TENM4: variants seen among roughly 807,000 people sequenced by gnomAD.
The protein encoded by TENM4 is teneurin transmembrane protein 4, also known as teneurin-4.
In TENM4, 82 loss-of-function variants were observed where a neutral mutation model predicts 243.3. That is an observed-to-expected ratio of 0.34 (90% confidence interval 0.28 to 0.40). The LOEUF (loss-of-function observed/expected upper bound fraction) is 0.40, where lower values mean the gene tolerates loss of function less well. Ranked by LOEUF, TENM4 falls within the 10% of genes least tolerant of loss-of-function variation. The pLI is 1.00. For missense variants in TENM4, 3,138 were observed against 3,673.3 expected (o/e 0.85, Z 3.77); for synonymous variants, 1,412 against 1,456.3 (o/e 0.97, Z 0.69).
chr11:79,310,497 C>A (rs1856701104), intron 1 of TENM4, among the ~76,000 whole-genome samples: 1 of 152,212 alleles, frequency 6.6e-6, no homozygotes. Flanking sequence ...AATTCCCTAG[C>A]TTCTGAAGAA....
chr11:79,142,410 A>C (rs1295813397), intron 4 of TENM4, among the ~76,000 whole-genome samples: 1 of 152,070 alleles, frequency 6.6e-6, no homozygotes, highest in Non-Finnish European at 1.5e-5. Context: ...TTAAATACCT[A>C]GGAATAAAAT....
Position 78,854,139 on chromosome 11 carries a change from T to C in TENM4, c.1646A>G (p.Glu549Gly). The change falls in exon 12 of 34, where the codon GAG becomes GGG. Residue 549 changes from glutamate (E) to glycine (G), a missense_variant. Glu to Gly is a moderately conservative substitution (Grantham distance 98). Around this residue, in one of 2 missense-constraint regions of TENM4, gnomAD observed 2,467 missense variants for 3,059.1 expected, o/e 0.81. Transcript: ENST00000278550. Reference sequence around the variant, plus strand: ...GGTGAGAAAGGAAACCACTTCTGACTCCTTTCCGTCATTGTAAAAAGCCAA... The same window carrying C: ...GGTGAGAAAGGAAACCACTTCTGACCCCTTTCCGTCATTGTAAAAAGCCAA... Reference protein sequence around the residue: ...WHLAFYNDGKESEVVSFLTTA... With the variant: ...WHLAFYNDGKGSEVVSFLTTA... 1.3e-6 allele frequency: 2 copies of C among 1,551,688 alleles called. No individual in the cohort carries two copies. Among genetic ancestry groups the C allele is most frequent in the Non-Finnish European group, 1.7e-6 (2 of 1,146,966 alleles).
intron 10 of TENM4, among the ~76,000 whole-genome samples, chr11:78,862,743 C>A (rs1177592337): frequency 2.0e-5 from 3 of 152,190 alleles, no homozygotes; most frequent in African/African-American, 7.2e-5. Flanking sequence ...GCACCATGAG[C>A]CCTTCCTGAG....
intron 6 of TENM4, among the ~76,000 whole-genome samples, chr11:78,937,713 C>T (rs145117588): frequency 2.6e-5 from 4 of 152,274 alleles, no homozygotes; most frequent in African/African-American, 7.2e-5. Flanking sequence ...GTTCATCTGG[C>T]CTTCTAAGAA....
Position 79,149,337 on chromosome 11 carries a change from C to A in TENM4, c.-162-531G>T, listed in dbSNP as rs139618297. On this transcript the variant is annotated intron_variant, in intron 3 of 33. Transcript: ENST00000278550. ...TGTTGTTCCTAAATTGGATACTTAACCCATTCATTAATTTTCAGCTCTTCT... is the reference window on the plus strand; with the variant it reads ...TGTTGTTCCTAAATTGGATACTTAAACCATTCATTAATTTTCAGCTCTTCT... Among the ~76,000 whole-genome samples, 122 of 152,184 alleles carry A rather than the reference C, an allele frequency of 8.0e-4. 1 individual carries two copies. The highest frequency in any genetic ancestry group is 6.8e-3 in the Middle Eastern group (2 of 294).
chr11:79,347,019 GGTTTC>G (rs368158166), intron 1 of TENM4, among the ~76,000 whole-genome samples: 29 of 152,188 alleles, frequency 1.9e-4, no homozygotes, highest in African/African-American at 6.7e-4. Flanking sequence ...CTCTATCCTG[GGTTTC>G]ACTTTCCCCT....
At chr11:78,957,562 GA>G (rs1193822177) in intron 6 of TENM4, among the ~76,000 whole-genome samples, 1 of 152,114 alleles carries the variant, frequency 6.6e-6, no homozygotes, top group African/African-American at 2.4e-5. Context: ...CATTTAGAAA[GA>G]AAAATAAACA....
rs1437034282 is a variant in TENM4, at chr11:79,259,127, G to T, written c.-265+38361C>A. Among the ~76,000 whole-genome samples, 3 of 152,218 alleles carry T rather than the reference G, an allele frequency of 2.0e-5. No homozygotes were observed. The East Asian group carries it at 5.8e-4, about 29-fold the overall frequency. ...GAGGGTGTTCCTAGGACAGAAGTAG[G>T]TGTGCCATAATGAGAATATTGCTTG... On this transcript the variant is annotated intron_variant, in intron 2 of 33. Coordinates refer to ENST00000278550, the MANE Select transcript of TENM4 (RefSeq NM_001098816.3).
At chr11:79,012,132 G>A (rs587740) in intron 6 of TENM4, among the ~76,000 whole-genome samples, 69,114 of 152,012 alleles carry the variant, frequency 0.45, 16,371 homozygotes, top group Middle Eastern at 0.55. Context: ...CGGCTCCTCT[G>A]TCCTGGGGGA....
At chr11:79,437,653 C>T (rs1411692269) in intron 1 of TENM4, among the ~76,000 whole-genome samples, 1 of 152,148 alleles carries the variant, frequency 6.6e-6, no homozygotes, top group African/African-American at 2.4e-5. Flanking sequence ...AACTGGAGGC[C>T]GGCGGGGGAG....
chr11:78,889,398 G>A (rs1417307440), intron 9 of TENM4, among the ~76,000 whole-genome samples: 4 of 152,338 alleles, frequency 2.6e-5, no homozygotes, highest in Admixed American at 6.5e-5. Flanking sequence ...CCCAACAGGA[G>A]AGGCTACCTG....
rs145336480 is a variant in TENM4, at chr11:78,727,884, C to T, written c.3406+1492G>A. On this transcript the variant is annotated intron_variant, in intron 22 of 33. Coordinates refer to ENST00000278550, the MANE Select transcript of TENM4 (RefSeq NM_001098816.3). ...TTCAAGACAGGAATTAACAACTGAG[C>T]AGCTCCTTAAAGTTTCTTGTAGATG... 6.1e-3 allele frequency among the ~76,000 whole-genome samples: 931 copies of T among 152,358 alleles called. 16 individuals carry two copies. The highest frequency in any genetic ancestry group is 0.021 in the African/African-American group (889 of 41,578).
At chr11:79,281,613 C>G (rs1856158442) in intron 2 of TENM4, among the ~76,000 whole-genome samples, 1 of 152,132 alleles carries the variant, frequency 6.6e-6, no homozygotes, top group Non-Finnish European at 1.5e-5. Flanking sequence ...GGATGGCTCT[C>G]TGTAGGGCCA....
intron 22 of TENM4, among the ~76,000 whole-genome samples, chr11:78,726,534 T>C (rs1855514379): frequency 6.6e-6 from 1 of 152,198 alleles, no homozygotes. Flanking sequence ...TGTTTCTGTG[T>C]TCCCAACCCA....
At chr11:78,745,597 G>A (rs953182409) in intron 19 of TENM4, among the ~76,000 whole-genome samples, 1 of 152,202 alleles carries the variant, frequency 6.6e-6, no homozygotes, top group Non-Finnish European at 1.5e-5. Context: ...GTCCAGACAT[G>A]TAACCAAGTA....
intron 3 of TENM4, among the ~76,000 whole-genome samples, chr11:79,206,312 G>C (rs1392428700): frequency 6.6e-6 from 1 of 152,254 alleles, no homozygotes; most frequent in South Asian, 2.1e-4. Context: ...TTGCAGGAAA[G>C]TGGCTGCCTG....
At chr11:78,953,191 G>A (rs1857139407) in intron 6 of TENM4, among the ~76,000 whole-genome samples, 1 of 152,160 alleles carries the variant, frequency 6.6e-6, no homozygotes, top group South Asian at 2.1e-4. Flanking sequence ...AACAGCATAC[G>A]GGCTCCAGCA....
At chr11:79,150,924 C>T (rs1406421761) in intron 3 of TENM4, among the ~76,000 whole-genome samples, 1 of 152,152 alleles carries the variant, frequency 6.6e-6, no homozygotes, top group Non-Finnish European at 1.5e-5. Context: ...ACGAGGTAGA[C>T]ATTATTAATA....
Position 78,854,303 on chromosome 11 carries a change from C to T in TENM4, c.1482G>A (p.Val494=). 1 of 1,509,742 alleles carries T rather than the reference C, an allele frequency of 6.6e-7. No homozygotes were observed. Among genetic ancestry groups the T allele is most frequent in the Non-Finnish European group, 8.9e-7 (1 of 1,125,772 alleles). 93.5% of individuals were successfully genotyped at this position (1,509,742 alleles called of 1,614,324 possible). A position where few individuals can be genotyped will look rare whatever the true frequency, so the allele number is the denominator to read the frequency against. The part of the protein sequence containing the change: ...LPPSHTQFDF[V]ELLDGRRLLT... ...GGAGCCTCCTGCCATCCAGCAGCTCCACAAAGTCAAACTGAAAGACAGAGA... is the reference window on the plus strand; with the variant it reads ...GGAGCCTCCTGCCATCCAGCAGCTCTACAAAGTCAAACTGAAAGACAGAGA... The change falls in exon 12 of 34, where the codon GTG becomes GTA. Residue 494 remains valine, a synonymous_variant. Transcript: ENST00000278550.
Sources: gnomAD v4.1 joint callset for allele counts (sites outside exome capture counted in the v4.1 genomes callset) on GRCh38, gnomAD v4.1.1 for gene constraint, gnomAD v4.1.1 regional missense constraint, MANE v1.5 for transcripts, NCBI Gene and HGNC (gene_info 2026-07-23, HGNC 2026-07-21) for gene names.